Variants in LPP observed in about 807,000 individuals in gnomAD.
LPP encodes lipoma-preferred partner.
A neutral mutation model predicts 60.4 loss-of-function variants in LPP; 38 were observed. The ratio of observed to expected loss-of-function variants is 0.63; its 90% CI spans 0.49 to 0.83. LPP has a LOEUF of 0.83. Among genes scored for constraint, LPP ranks in the 40% least tolerant of loss-of-function variants. LPP has a pLI of 0.00. For synonymous variants in LPP, 328 were observed against 290.8 expected (o/e 1.13, Z -1.30); for missense variants, 902 against 783.6 (o/e 1.15, Z -1.80).
At chr3:188,202,580 G>A (rs1403355257) in intron 1 of LPP, among the ~76,000 whole-genome samples, 2 of 152,186 alleles carry the variant, frequency 1.3e-5, no homozygotes, top group East Asian at 3.8e-4. Flanking sequence ...AGGTTCACGC[G>A]CTATGACCAT....
At chr3:188,723,472 C>T (rs1717231287) in intron 8 of LPP, among the ~76,000 whole-genome samples, 1 of 152,126 alleles carries the variant, frequency 6.6e-6, no homozygotes, top group African/African-American at 2.4e-5. Context: ...CTCTATTGAA[C>T]AGAGGCCAAT....
intron 7 of LPP, among the ~76,000 whole-genome samples, chr3:188,704,745 G>A (rs73196753): frequency 0.091 from 13,591 of 148,662 alleles, 772 homozygotes; most frequent in Middle Eastern, 0.14. Flanking sequence ...TGTGTACACT[G>A]CAGATACCTG....
At chr3:188,202,336 C>T (rs1731307823) in intron 1 of LPP, among the ~76,000 whole-genome samples, 2 of 152,084 alleles carry the variant, frequency 1.3e-5, no homozygotes, top group Non-Finnish European at 2.9e-5. Context: ...TTAGAGAATA[C>T]ATGGAAAGGG....
chr3:188,311,564 A>G (rs576058549), intron 2 of LPP, among the ~76,000 whole-genome samples: 1 of 152,216 alleles, frequency 6.6e-6, no homozygotes, highest in African/African-American at 2.4e-5. Context: ...GAGTTGGAAC[A>G]TTGCAGGCTA....
intron 4 of LPP, among the ~76,000 whole-genome samples, chr3:188,474,457 G>A (rs1267228311): frequency 7.2e-6 from 1 of 139,158 alleles, no homozygotes; most frequent in East Asian, 2.1e-4. Context: ...GACAGCAGTG[G>A]TGAAATAAAT....
chr3:188,167,728 T>C (rs1363348152), intron 1 of LPP, among the ~76,000 whole-genome samples: 1 of 152,042 alleles, frequency 6.6e-6, no homozygotes, highest in Non-Finnish European at 1.5e-5. Context: ...TTAAGTTCTT[T>C]CAGAGAAGAA....
chr3:188,466,059 A>G (rs1800293437), intron 4 of LPP, among the ~76,000 whole-genome samples: 1 of 152,198 alleles, frequency 6.6e-6, no homozygotes, highest in African/African-American at 2.4e-5. Context: ...TGCGAGGATC[A>G]GAATCCTAGG....
intron 2 of LPP, among the ~76,000 whole-genome samples, chr3:188,337,244 C>A (rs1451045075): frequency 6.6e-6 from 1 of 152,194 alleles, no homozygotes; most frequent in African/African-American, 2.4e-5. Context: ...GACACTCCAG[C>A]CAAAGCTCCA....
At chr3:188,205,255 C>T (rs1046467824) in intron 1 of LPP, among the ~76,000 whole-genome samples, 4 of 149,866 alleles carry the variant, frequency 2.7e-5, no homozygotes, top group Non-Finnish European at 4.4e-5. Context: ...TGAGAGAACA[C>T]AGGTCCTAAA....
intron 9 of LPP, among the ~76,000 whole-genome samples, chr3:188,815,706 G>A (rs887130474): frequency 3.9e-5 from 6 of 152,302 alleles, no homozygotes; most frequent in South Asian, 2.1e-4. Flanking sequence ...TAATTATTGC[G>A]ATTTTCCAAG....
chr3:188,486,411 C>T (rs1237591140), intron 5 of LPP, among the ~76,000 whole-genome samples: 6 of 152,022 alleles, frequency 3.9e-5, no homozygotes, highest in South Asian at 2.1e-4. Context: ...AAACAAGATA[C>T]GCACATTACA....
intron 2 of LPP, among the ~76,000 whole-genome samples, chr3:188,241,493 G>C (rs1724811789): frequency 6.6e-6 from 1 of 152,154 alleles, no homozygotes; most frequent in Non-Finnish European, 1.5e-5. Flanking sequence ...AGAGTTGTTT[G>C]AAGGTTCATT....
intron 9 of LPP, among the ~76,000 whole-genome samples, chr3:188,835,055 G>A (rs779973642): frequency 6.6e-6 from 1 of 152,096 alleles, no homozygotes; most frequent in Non-Finnish European, 1.5e-5. Flanking sequence ...GTTCTCATTT[G>A]ATAACAGACC....
At chr3:188,586,740 T>TTA (rs1206878435) in intron 6 of LPP, among the ~76,000 whole-genome samples, 22 of 151,312 alleles carry the variant, frequency 1.5e-4, no homozygotes, top group Non-Finnish European at 2.4e-4. Context: ...TTGTTTTTTT[T>TTA]TTTTTTAAGT....
intron 6 of LPP, among the ~76,000 whole-genome samples, chr3:188,530,282 T>G (rs1821814417): frequency 6.6e-6 from 1 of 152,226 alleles, no homozygotes; most frequent in Non-Finnish European, 1.5e-5. Flanking sequence ...AGTAATGACT[T>G]TAGCTTACAG....
At chr3:188,510,272 A>G (rs1815060652) in intron 5 of LPP, among the ~76,000 whole-genome samples, 1 of 152,168 alleles carries the variant, frequency 6.6e-6, no homozygotes, top group African/African-American at 2.4e-5. Flanking sequence ...GTCTTGTCAT[A>G]GCAGTCTGTT....
rs943796690 is a variant in LPP at position 188,660,226 on chromosome 3, A to T, written c.1114-48041A>T. ...TAAGGCCACCAATCACAGGATTGTG[A>T]CTCCTTCCCCAACTTTGTTTACCTA... On this transcript the variant is annotated intron_variant, in intron 7 of 11. Coordinates refer to ENST00000617246, the MANE Select transcript of LPP (RefSeq NM_001375462.1). Among the ~76,000 whole-genome samples the T allele has an allele frequency of 4.6e-5, 7 of 152,132 alleles. No homozygotes were observed. In the East Asian group the frequency reaches 1.4e-3, roughly 30 times the overall value.
At chr3:188,340,987 G>A (rs566451760) in intron 2 of LPP, among the ~76,000 whole-genome samples, 45 of 152,228 alleles carry the variant, frequency 3.0e-4, no homozygotes, top group Non-Finnish European at 6.0e-4. Flanking sequence ...CTTTGGCTAT[G>A]GAGTATATAT....
At chr3:188,226,083 A>C (rs1053396026) in intron 2 of LPP, among the ~76,000 whole-genome samples, 4 of 152,064 alleles carry the variant, frequency 2.6e-5, no homozygotes, top group African/African-American at 7.2e-5. Flanking sequence ...ATCTTGGCTC[A>C]CTGCAACCTC....
Sources: allele counts gnomAD v4.1 joint callset (sites outside exome capture counted in the v4.1 genomes callset), GRCh38; gene constraint gnomAD v4.1.1; transcripts MANE v1.5; gene names NCBI Gene and HGNC (gene_info 2026-07-23, HGNC 2026-07-21).